Variants in EYS observed in about 807,000 individuals in gnomAD.
The protein encoded by EYS is EGF-like photoreceptor maintenance factor.
Under a neutral mutation model 282.1 loss-of-function variants are expected in EYS, and 250 were observed. The ratio of observed to expected loss-of-function variants is 0.89; its 90% CI spans 0.80 to 0.98. EYS has a LOEUF of 0.98. Among genes scored for constraint, EYS ranks in the 50% least tolerant of loss-of-function variants. The pLI is 0.00. For synonymous variants in EYS, 1,355 were observed against 1,282.9 expected (o/e 1.06, Z -1.20); for missense variants, 4,016 against 3,709.0 (o/e 1.08, Z -2.15).
chr6:63,762,946 G>T (rs1281788737), intron 40 of EYS, among the ~76,000 whole-genome samples: 1 of 152,044 alleles, frequency 6.6e-6, no homozygotes, highest in East Asian at 1.9e-4. Context: ...AGAAAAAGCT[G>T]TGCATGGTGT....
chr6:63,926,814 T>G (rs966758026), intron 35 of EYS, among the ~76,000 whole-genome samples: 4 of 152,236 alleles, frequency 2.6e-5, no homozygotes, highest in African/African-American at 9.6e-5. Context: ...TCATTACTAT[T>G]ACGTACAAAT....
chr6:65,011,257 A>G (rs973060211), intron 13 of EYS, among the ~76,000 whole-genome samples: 2 of 152,178 alleles, frequency 1.3e-5, no homozygotes, highest in Non-Finnish European at 2.9e-5. Context: ...TATTTACTGG[A>G]CCGGGCCTTT....
At chr6:64,094,581 T>C (rs1377449099) in intron 31 of EYS, among the ~76,000 whole-genome samples, 1 of 152,220 alleles carries the variant, frequency 6.6e-6, no homozygotes, top group Non-Finnish European at 1.5e-5. Context: ...AGTTTGTATT[T>C]CTGTGGGATC....
At chr6:65,133,803 C>A (rs775767666) in intron 12 of EYS, among the ~76,000 whole-genome samples, 12 of 151,584 alleles carry the variant, frequency 7.9e-5, no homozygotes, top group Non-Finnish European at 1.2e-4. Context: ...TTTTGCACAG[C>A]AAAAGAAACT....
chr6:64,401,455 G>A (rs1260114973), intron 28 of EYS, among the ~76,000 whole-genome samples: 1 of 152,086 alleles, frequency 6.6e-6, no homozygotes, highest in East Asian at 1.9e-4. Context: ...ATTCAGGCCT[G>A]TAAGTTGGCT....
At position 64,200,887 on chromosome 6, in the gene EYS, CTTAG is replaced by C. The variant is rs1260462314; in HGVS notation, c.6424+29701_6424+29704del. ...TCCAAAGGCTTTGGGATAGTGAGTA[CTTAG>C]TCTATACTTCATTCATATAGGTCTT... On this transcript the variant is annotated intron_variant, in intron 31 of 42. Coordinates refer to ENST00000503581, the MANE Select transcript of EYS (RefSeq NM_001142800.2). 2.0e-5 allele frequency among the ~76,000 whole-genome samples: 3 copies of C among 152,046 alleles called. No individual in the cohort carries two copies. The East Asian group carries it at 5.8e-4, about 29-fold the overall frequency.
intron 26 of EYS, among the ~76,000 whole-genome samples, chr6:64,489,394 G>A (rs1190146896): frequency 6.7e-6 from 1 of 150,190 alleles, no homozygotes; most frequent in African/African-American, 2.4e-5. Context: ...TACTTGTGGT[G>A]TGTTAAGTGT....
intron 7 of EYS, among the ~76,000 whole-genome samples, chr6:65,388,361 CAGAT>C (rs1028253472): frequency 3.9e-4 from 59 of 151,874 alleles, no homozygotes; most frequent in African/African-American, 1.4e-3. Context: ...AGTATAGTGA[CAGAT>C]AGGGAGAGGT....
At chr6:65,300,201 T>A (rs1270566874) in intron 11 of EYS, among the ~76,000 whole-genome samples, 3 of 152,146 alleles carry the variant, frequency 2.0e-5, no homozygotes, top group Non-Finnish European at 4.4e-5. Context: ...AAATGCCTCT[T>A]CTGAATGGGT....
intron 26 of EYS, among the ~76,000 whole-genome samples, chr6:64,542,507 T>C (rs901495476): frequency 6.6e-6 from 1 of 152,096 alleles, no homozygotes; most frequent in African/African-American, 2.4e-5. Flanking sequence ...AGTGGGAATT[T>C]TGGGCACCTA....
chr6:64,041,287 C>T (rs913097888), intron 33 of EYS, among the ~76,000 whole-genome samples: 22 of 151,984 alleles, frequency 1.4e-4, no homozygotes, highest in South Asian at 1.0e-3. Context: ...TTCCCTTAAA[C>T]GTAGAACTAA....
intron 11 of EYS, among the ~76,000 whole-genome samples, chr6:65,324,813 T>G (rs1413027214): frequency 6.6e-6 from 1 of 152,238 alleles, no homozygotes; most frequent in Non-Finnish European, 1.5e-5. Flanking sequence ...ATCCTTCCTT[T>G]GGTCATGAGA....
intron 15 of EYS, among the ~76,000 whole-genome samples, chr6:64,943,214 A>C (rs1769157912): frequency 6.6e-6 from 1 of 152,102 alleles, no homozygotes; most frequent in Admixed American, 6.6e-5. Context: ...TCAAAATAAT[A>C]AGAGCCATCT....
At chr6:65,523,511 T>C (rs1410753196) in intron 2 of EYS, among the ~76,000 whole-genome samples, 1 of 152,062 alleles carries the variant, frequency 6.6e-6, no homozygotes, top group Non-Finnish European at 1.5e-5. Flanking sequence ...AAACAGTTGT[T>C]ATGAAGAATG....
intron 31 of EYS, among the ~76,000 whole-genome samples, chr6:64,097,132 C>A (rs1189739023): frequency 6.6e-6 from 1 of 152,114 alleles, no homozygotes; most frequent in Non-Finnish European, 1.5e-5. Flanking sequence ...CAGAGGAGTA[C>A]CCAGCCGTGT....
At chr6:65,391,165 G>A (rs1034693596) in intron 7 of EYS, among the ~76,000 whole-genome samples, 4 of 152,008 alleles carry the variant, frequency 2.6e-5, no homozygotes, top group African/African-American at 9.7e-5. Flanking sequence ...TTATACTGAT[G>A]AGAACATATG....
At chr6:65,667,743 T>C (rs34666519) in intron 1 of EYS, among the ~76,000 whole-genome samples, 8 of 151,870 alleles carry the variant, frequency 5.3e-5, no homozygotes, top group Non-Finnish European at 1.0e-4. Flanking sequence ...TTTCCACTGG[T>C]ACATTTTTCC....
chr6:65,192,081 A>G (rs2150240305), intron 12 of EYS, among the ~76,000 whole-genome samples: 1 of 151,968 alleles, frequency 6.6e-6, no homozygotes, highest in Admixed American at 6.6e-5. Context: ...TCAACTGGCC[A>G]TGATAAATAC....
Position 63,788,253 on chromosome 6 carries a change from C to A in EYS, c.7579-4G>T, listed in dbSNP as rs1320489387. Reference sequence around the variant, plus strand: ...ATTTATTTTTATGATCATCTACCTTCGAAAGGGAAAAAAAACCTATTAAAA... The same window carrying A: ...ATTTATTTTTATGATCATCTACCTTAGAAAGGGAAAAAAAACCTATTAAAA... On this transcript the variant is annotated splice_region_variant and splice_polypyrimidine_tract_variant and intron_variant, in intron 38 of 42. Transcript: ENST00000503581. 2.6e-6 allele frequency: 4 copies of A among 1,520,542 alleles called. No homozygotes were observed. The South Asian group carries it at 5.2e-5, about 20-fold the overall frequency. The allele number at this position is 1,520,542 out of a possible 1,614,324, so 94.2% of individuals were successfully genotyped here. A position where few individuals can be genotyped will look rare whatever the true frequency, so the allele number is the denominator to read the frequency against.
Sources: allele counts gnomAD v4.1 joint callset (sites outside exome capture counted in the v4.1 genomes callset), GRCh38; gene constraint gnomAD v4.1.1; transcripts MANE v1.5; gene names NCBI Gene and HGNC (gene_info 2026-07-23, HGNC 2026-07-21).